LMO3: variants seen among roughly 807,000 people sequenced by gnomAD.
LMO3 encodes LIM domain only 3.
Under a neutral mutation model 15.8 loss-of-function variants are expected in LMO3, and 2 were observed. The observed-to-expected ratio is 0.13, with a 90% CI of 0.05 to 0.40. The LOEUF (loss-of-function observed/expected upper bound fraction) is 0.40, where lower values mean the gene tolerates loss of function less well. LMO3 is among the 10% of genes least tolerant of loss of function. LMO3 has a pLI of 0.99. For synonymous variants in LMO3, 62 were observed against 63.8 expected (o/e 0.97, Z 0.13); for missense variants, 86 against 182.2 (o/e 0.47, Z 3.04).
Position 16,604,918 on chromosome 12 carries a change from G to C in LMO3, c.-9+1148C>G, listed in dbSNP as rs756338324. ...TTGACTTAGGCGTGTCTGAGTTGCAGCAGCTTCGCATTGAGCACCAAACCC... is the reference window on the plus strand; with the variant it reads ...TTGACTTAGGCGTGTCTGAGTTGCACCAGCTTCGCATTGAGCACCAAACCC... On this transcript the variant is annotated intron_variant, in intron 1 of 3. Transcript: ENST00000537304. This position sits in a 1 kb window ranked among gnomAD's most constrained non-coding sequence, Gnocchi z 5.3. The C allele has an allele frequency of 3.8e-6, 6 of 1,598,318 alleles. No homozygotes were observed. Among genetic ancestry groups the C allele is most frequent in the Non-Finnish European group, 5.1e-6 (6 of 1,179,806 alleles).
At position 16,551,163 on chromosome 12, in the gene LMO3, G is replaced by C; in HGVS notation, c.*59C>G. 1.8e-6 allele frequency: 2 copies of C among 1,085,458 alleles called. No individual in the cohort carries two copies. Among genetic ancestry groups the C allele is most frequent in the Non-Finnish European group, 2.9e-6 (2 of 699,404 alleles). The allele number at this position is 1,085,458 out of a possible 1,614,324, so 67.2% of individuals were successfully genotyped here. On this transcript the variant is annotated 3_prime_UTR_variant, in exon 4 of 4. Transcript: ENST00000537304. ...CTGTGTCAATTCTTATGTACATGTG[G>C]AGCAAAAAAGATAAAAGAATGTAGT...
At chr12:16,551,408 A>G (rs1941985190) in intron 3 of LMO3, 81 bp from the exon 4 acceptor site, 1 of 814,924 alleles carries the variant, frequency 1.2e-6, no homozygotes, top group African/African-American at 1.7e-5. Context: ...TTTCCTATTA[A>G]TAGTTTCGCA....
At chr12:16,577,276 T>C (rs913530350) in intron 2 of LMO3, among the ~76,000 whole-genome samples, 37 of 152,266 alleles carry the variant, frequency 2.4e-4, no homozygotes, top group African/African-American at 8.9e-4. Context: ...CCGTAAACTT[T>C]CTTCTTTTTA....
In LMO3 at chr12:16,604,021, A is replaced by G. The variant is rs1025405596; in HGVS notation, c.-9+2045T>C. On this transcript the variant is annotated intron_variant, in intron 1 of 3. Transcript: ENST00000537304. This position sits in a 1 kb window ranked among gnomAD's most constrained non-coding sequence, Gnocchi z 5.3. ...TTGGAAGAGATGAGGTGCTTCAGAA[A>G]GATGCTAAAATGGGAATGCAGGTTC... Among the ~76,000 whole-genome samples the G allele has an allele frequency of 6.6e-6, 1 of 152,186 alleles. No individual in the cohort carries two copies. The highest frequency in any genetic ancestry group is 1.5e-5 in the Non-Finnish European group (1 of 68,034).
chr12:16,604,654 C>G lies in LMO3; in HGVS notation c.-9+1412G>C. The G allele has an allele frequency of 3.4e-6, 2 of 589,352 alleles. No homozygotes were observed. The highest frequency in any genetic ancestry group is 5.7e-5 in the East Asian group (2 of 35,276). The allele number at this position is 589,352 out of a possible 1,614,324, so 36.5% of individuals were successfully genotyped here. ...GCCTTTTGTGGTTGTGTCTTTGCAG[C>G]CACACAGGGATGGTTTGCAAAGAAT... is the stretch of plus-strand genomic sequence containing the variant. On this transcript the variant is annotated intron_variant, in intron 1 of 3. Transcript: ENST00000537304. The surrounding 1 kb of genome is among the most constrained non-coding windows in gnomAD (Gnocchi z 5.3).
rs1187305047 is a variant in LMO3, at chr12:16,582,075, T to G, written c.206+18580A>C. Among the ~76,000 whole-genome samples, 1 of 152,194 alleles carries G rather than the reference T, an allele frequency of 6.6e-6. No individual in the cohort carries two copies. The highest frequency in any genetic ancestry group is 1.5e-5 in the Non-Finnish European group (1 of 68,022). On this transcript the variant is annotated intron_variant, in intron 2 of 3. Coordinates refer to ENST00000537304, the MANE Select transcript of LMO3 (RefSeq NM_018640.5). The surrounding 1 kb of genome is among the most constrained non-coding windows in gnomAD (Gnocchi z 4.1). ...AGTATCCCTGGCTTTTTCTTGGCTT[T>G]AATGGAAATTACTTTAGTATTTAGC...
chr12:16,599,844 T>C lies in LMO3; in HGVS notation c.206+811A>G, dbSNP rs1203495701. ...GAACACCTGCCTTGTCCTGAAAGCA[T>C]TCAGATGTTTACAGGTTGGAGAGTG... On this transcript the variant is annotated intron_variant, in intron 2 of 3. Transcript: ENST00000537304. This position sits in a 1 kb window ranked among gnomAD's most constrained non-coding sequence, Gnocchi z 4.1. 6.6e-6 allele frequency: 1 copy of C among 152,146 alleles called. No individual in the cohort carries two copies. Among genetic ancestry groups the C allele is most frequent in the Admixed American group, 6.5e-5 (1 of 15,276 alleles). 9.4% of individuals were successfully genotyped at this position (152,146 alleles called of 1,614,324 possible).
At position 16,571,647 on chromosome 12, in the gene LMO3, T is replaced by C. The variant is rs191622691; in HGVS notation, c.207-11109A>G. ...AACCCTAGTAATAGCCAAAGAGCAA[T>C]GAGAACTCAAAGGTTTCACAATTTC... On this transcript the variant is annotated intron_variant, in intron 2 of 3. Coordinates refer to ENST00000537304, the MANE Select transcript of LMO3 (RefSeq NM_018640.5). Among the ~76,000 whole-genome samples, 12 of 152,126 alleles carry C rather than the reference T, an allele frequency of 7.9e-5. No individual in the cohort carries two copies. The East Asian group carries it at 2.3e-3, about 29-fold the overall frequency.
intron 2 of LMO3, among the ~76,000 whole-genome samples, chr12:16,566,038 A>C (rs11056998): frequency 1.1e-5 from 1 of 90,508 alleles, no homozygotes; most frequent in Non-Finnish European, 2.2e-5. Flanking sequence ...ATATATATAT[A>C]TAAAATGGAG....
Position 16,582,638 on chromosome 12 carries a change from C to G in LMO3, c.206+18017G>C, listed in dbSNP as rs1364029747. On this transcript the variant is annotated intron_variant, in intron 2 of 3. Transcript: ENST00000537304. The surrounding 1 kb of genome is among the most constrained non-coding windows in gnomAD (Gnocchi z 4.1). ...ATCACAATAAGAGGAGGGATTGAAACCATGAGGACAAATAACATCTCCTAG... is the reference window on the plus strand; with the variant it reads ...ATCACAATAAGAGGAGGGATTGAAAGCATGAGGACAAATAACATCTCCTAG... Among the ~76,000 whole-genome samples the G allele has an allele frequency of 6.6e-6, 1 of 152,064 alleles. No homozygotes were observed. Among genetic ancestry groups the G allele is most frequent in the Non-Finnish European group, 1.5e-5 (1 of 68,016 alleles).
intron 2 of LMO3, among the ~76,000 whole-genome samples, chr12:16,568,730 G>C (rs1942705256): frequency 6.6e-6 from 1 of 152,054 alleles, no homozygotes; most frequent in African/African-American, 2.4e-5. Context: ...GGCTACTTTG[G>C]CTACTAGAAA....
At position 16,606,096 on chromosome 12, in the gene LMO3, G is replaced by A; in HGVS notation, c.-39C>T. On this transcript the variant is annotated 5_prime_UTR_variant, in exon 1 of 4. In the 5' UTR this introduces an upstream ATG that the reference lacks. Transcript: ENST00000537304. ...CAATTAAGCGATACAGGGGGAGGCCGTTCAGTAAGCACAGTGGCTGCTTTG... is the reference window on the plus strand; with the variant it reads ...CAATTAAGCGATACAGGGGGAGGCCATTCAGTAAGCACAGTGGCTGCTTTG... 1 of 368,706 alleles carries A rather than the reference G, an allele frequency of 2.7e-6. No individual in the cohort carries two copies. Among genetic ancestry groups the A allele is most frequent in the Non-Finnish European group, 4.9e-6 (1 of 202,066 alleles). The allele number at this position is 368,706 out of a possible 1,614,324, so 22.8% of individuals were successfully genotyped here. A position where few individuals can be genotyped will look rare whatever the true frequency, so the allele number is the denominator to read the frequency against.
At chr12:16,558,471 A>G (rs1942272409) in intron 3 of LMO3, among the ~76,000 whole-genome samples, 1 of 152,128 alleles carries the variant, frequency 6.6e-6, no homozygotes, top group African/African-American at 2.4e-5. Context: ...GACACCTTTA[A>G]AATGTATAAA....
chr12:16,605,629 G>T, intron 1 of LMO3: 2 of 850,816 alleles, frequency 2.4e-6, no homozygotes, highest in Non-Finnish European at 3.6e-6. Context: ...ACCCACCCAG[G>T]ACTGAATTCT....
intron 2 of LMO3, among the ~76,000 whole-genome samples, chr12:16,588,621 A>G (rs1418553789): frequency 6.6e-6 from 1 of 152,130 alleles, no homozygotes; most frequent in Non-Finnish European, 1.5e-5. Flanking sequence ...TATATAAAGC[A>G]CACTACAATC....
At chr12:16,570,960 T>C (rs1317321314) in intron 2 of LMO3, among the ~76,000 whole-genome samples, 1 of 152,116 alleles carries the variant, frequency 6.6e-6, no homozygotes, top group Non-Finnish European at 1.5e-5. Flanking sequence ...GAATCTATTA[T>C]CAGCATGGCA....
chr12:16,607,011 T>A (rs1311004202), upstream of LMO3: 2 of 152,222 alleles, frequency 1.3e-5, no homozygotes, highest in Non-Finnish European at 2.9e-5. Flanking sequence ...CAGAATACCC[T>A]GGAAAAAGCA....
At position 16,600,670 on chromosome 12, in the gene LMO3, C is replaced by T. The variant is rs763320986; in HGVS notation, c.191G>A (p.Arg64His). The T allele has an allele frequency of 4.3e-6, 7 of 1,613,854 alleles. No homozygotes were observed. The highest frequency in any genetic ancestry group is 1.1e-5 in the South Asian group (1 of 91,066). The change falls in exon 2 of 4, where the codon CGC becomes CAC. Residue 64 changes from arginine to histidine, a missense_variant. Around this residue, in one of 3 missense-constraint regions of LMO3, gnomAD observed 51 missense variants for 140.3 expected, o/e 0.36. Coordinates refer to ENST00000537304, the MANE Select transcript of LMO3 (RefSeq NM_018640.5). ...LYTKANLILC[R>H]RDYLRLFGVT... Reference sequence around the variant, plus strand: ...TAATTCCTACCTCAGATAGTCTCTGCGACAAAGGATAAGATTAGCTTTAGT... The same window carrying T: ...TAATTCCTACCTCAGATAGTCTCTGTGACAAAGGATAAGATTAGCTTTAGT...
At chr12:16,609,169 G>A (rs962472600), upstream of LMO3, 1 of 152,102 alleles carries the variant, frequency 6.6e-6, no homozygotes, top group Non-Finnish European at 1.5e-5. Flanking sequence ...GATCATCAGC[G>A]GTTGCCGACA....
Sources: gnomAD v4.1 joint callset for allele counts (sites outside exome capture counted in the v4.1 genomes callset) on GRCh38, gnomAD v4.1.1 for gene constraint, gnomAD v4.1.1 regional missense constraint, Gnocchi (gnomAD v3.1) non-coding constraint, MANE v1.5 for transcripts, NCBI Gene and HGNC (gene_info 2026-07-23, HGNC 2026-07-21) for gene names.